Variants in GRK2 observed in about 807,000 individuals in gnomAD.
GRK2 encodes the protein G protein-coupled receptor kinase 2.
Under a neutral mutation model 97.8 loss-of-function variants are expected in GRK2, and 23 were observed. The observed-to-expected ratio is 0.24, with a 90% confidence interval of 0.17 to 0.33. The LOEUF (loss-of-function observed/expected upper bound fraction) is 0.33. GRK2 is among the 10% of genes least tolerant of loss of function. The pLI is 1.00. For missense variants in GRK2, 633 were observed against 956.9 expected (o/e 0.66, Z 4.47); for synonymous variants, 425 against 381.7 (o/e 1.11, Z -1.32).
chr11:67,273,616 T>C (rs111398522), intron 1 of GRK2, among the ~76,000 whole-genome samples: 23 of 152,182 alleles, frequency 1.5e-4, no homozygotes, highest in African/African-American at 5.1e-4. Context: ...TTGGGGGCCT[T>C]CCATTCAAGG....
chr11:67,281,191 A>AC lies in GRK2; in HGVS notation c.647+10dup, dbSNP rs1265375207. 2 of 1,610,444 alleles carry AC rather than the reference A, an allele frequency of 1.2e-6. No homozygotes were observed. The highest frequency in any genetic ancestry group is 1.7e-6 in the Non-Finnish European group (2 of 1,178,276). On this transcript the variant is annotated splice_region_variant and intron_variant, in intron 8 of 20. Transcript: ENST00000308595. This position sits in a 1 kb window ranked among gnomAD's most constrained non-coding sequence, Gnocchi z 5.7. ...AGGCTGACACAGGCAAGATGTGAGC[A>AC]CCCTGCTCGGCGCGGTGGGATACCT... is the stretch of plus-strand genomic sequence containing the variant.
rs1167819312 is a variant in GRK2 at position 67,284,303 on chromosome 11, C to T, written c.1584C>T (p.Thr528=). Residue 528 remains threonine, a synonymous_variant, in exon 18 of 21, where the codon ACC becomes ACT. Transcript: ENST00000308595. ...AGGTGGCAGAGACTGTCTTCGACAC[C>T]ATCAACGCTGAGACAGACCGGCTGG... ...QQEVAETVFD[T]INAETDRLEA... is the part of the protein sequence containing the mutation. 3 of 1,613,280 alleles carry T rather than the reference C, an allele frequency of 1.9e-6. No individual in the cohort carries two copies. Among genetic ancestry groups the T allele is most frequent in the Non-Finnish European group, 2.5e-6 (3 of 1,179,996 alleles).
At chr11:67,279,721 C>T (rs1199130261) in intron 5 of GRK2, 21 bp downstream of exon 5, 3 of 1,613,528 alleles carry the variant, frequency 1.9e-6, no homozygotes, top group Non-Finnish European at 2.5e-6. Flanking sequence ...CCCGGTCCCT[C>T]CCCAGGCAAG....
In GRK2 at chr11:67,279,464, G is replaced by A. The variant is rs71640262; in HGVS notation, c.311G>A (p.Arg104His). The change falls in exon 4 of 21, where the codon CGC becomes CAC. Residue 104 changes from arginine (R) to histidine (H), a missense_variant. By Grantham distance (29) the Arg-to-His change is conservative. This residue lies in a region of GRK2 where 193 missense variants were observed against 212.2 expected (regional missense o/e 0.91). Transcript: ENST00000308595. ...KLETEEERVA[R>H]SREIFDSYIM... ...GAGACGGAGGAGGAGCGTGTGGCCC[G>A]CAGCCGGGAGATCTTCGACTCATAC... 8.1e-6 allele frequency: 13 copies of A among 1,613,224 alleles called. No homozygotes were observed. In the East Asian group the frequency reaches 8.9e-5, roughly 11 times the overall value.
At position 67,286,289 on chromosome 11, in the gene GRK2, C is replaced by G; in HGVS notation, c.*839C>G. ...GCTGGCTGGGGCCTATCAGTGTGCCCCCCATCCTGGCCCATCAGTGTACCC... is the reference window on the plus strand; with the variant it reads ...GCTGGCTGGGGCCTATCAGTGTGCCGCCCATCCTGGCCCATCAGTGTACCC... On this transcript the variant is annotated 3_prime_UTR_variant, in exon 21 of 21. Coordinates refer to ENST00000308595, the MANE Select transcript of GRK2 (RefSeq NM_001619.5). 1 of 640,460 alleles carries G rather than the reference C, an allele frequency of 1.6e-6. No individual in the cohort carries two copies. Among genetic ancestry groups the G allele is most frequent in the Non-Finnish European group, 2.8e-6 (1 of 357,798 alleles). The allele number at this position is 640,460 out of a possible 1,614,324, so 39.7% of individuals were successfully genotyped here.
At position 67,285,195 on chromosome 11, in the gene GRK2, G is replaced by A. The variant is rs201430849; in HGVS notation, c.1905+7G>A. ...GTTCATTTTGCAGTGCGATGTGAGT[G>A]GGGGCTGAGCCAGGGATGGGAGGGC... is the stretch of plus-strand genomic sequence containing the variant. On this transcript the variant is annotated splice_region_variant and intron_variant, in intron 20 of 20. Coordinates refer to ENST00000308595, the MANE Select transcript of GRK2 (RefSeq NM_001619.5). 2.5e-6 allele frequency: 4 copies of A among 1,613,308 alleles called. No individual in the cohort carries two copies. Among genetic ancestry groups the A allele is most frequent in the Admixed American group, 1.7e-5 (1 of 60,028 alleles).
chr11:67,275,744 C>G (rs1400585927), intron 1 of GRK2, among the ~76,000 whole-genome samples: 1 of 152,086 alleles, frequency 6.6e-6, no homozygotes, highest in Non-Finnish European at 1.5e-5. Context: ...ACCGACCCCC[C>G]TGGCTTCGCC....
rs200632343 is a variant in GRK2 at position 67,285,445 on chromosome 11, C to G, written c.2065C>G (p.Leu689Val). The G allele has an allele frequency of 2.6e-6, 4 of 1,546,034 alleles. No homozygotes were observed. Among genetic ancestry groups the G allele is most frequent in the Non-Finnish European group, 3.5e-6 (4 of 1,147,794 alleles). Residue 689 changes from leucine to valine, a missense_variant, in exon 21 of 21, where the codon CTC (leucine) becomes GTC (valine). By Grantham distance (32) the Leu-to-Val change is conservative. Transcript: ENST00000308595. The part of the protein sequence containing the change: ...PLVQRGSANG[L>V] ...GGTCCAGCGCGGCAGTGCCAACGGC[C>G]TCTGACCCGCCCACCCGCCTTTTAT...
chr11:67,285,603 T>C lies in GRK2; in HGVS notation c.*153T>C, dbSNP rs1171094088. On this transcript the variant is annotated 3_prime_UTR_variant, in exon 21 of 21. Transcript: ENST00000308595. ...CTCCCCCGGGAGGGGCCCGCTTGCC[T>C]CGGCTCCTGCTGCACCAACCCAGCC... 9.7e-6 allele frequency: 10 copies of C among 1,026,340 alleles called. No individual in the cohort carries two copies. Among genetic ancestry groups the C allele is most frequent in the Non-Finnish European group, 1.4e-5 (10 of 737,912 alleles). The allele number at this position is 1,026,340 out of a possible 1,614,324, so 63.6% of individuals were successfully genotyped here.
chr11:67,281,846 C>G lies in GRK2; in HGVS notation c.851C>G (p.Ser284Cys). 2 of 1,613,762 alleles carry G rather than the reference C, an allele frequency of 1.2e-6. No individual in the cohort carries two copies. Among genetic ancestry groups the G allele is most frequent in the Non-Finnish European group, 1.7e-6 (2 of 1,179,998 alleles). Reference sequence around the variant, plus strand: ...GGTGGGGACCTGCACTACCACCTCTCCCAGCACGGGGTCTTCTCAGAGGCT... The same window carrying G: ...GGTGGGGACCTGCACTACCACCTCTGCCAGCACGGGGTCTTCTCAGAGGCT... ...MNGGDLHYHL[S>C]QHGVFSEADM... is the part of the protein sequence containing the mutation. The change falls in exon 11 of 21, where the codon TCC (serine) becomes TGC (cysteine). Residue 284 changes from serine (S) to cysteine (C), a missense_variant. This residue lies in a region of GRK2 where 192 missense variants were observed against 362.3 expected (regional missense o/e 0.53). Transcript: ENST00000308595. The surrounding 1 kb of genome is among the most constrained non-coding windows in gnomAD (Gnocchi z 5.7).
rs1860158327 is a variant in GRK2 at position 67,281,778 on chromosome 11, T to G, written c.827-44T>G. The G allele has an allele frequency of 6.2e-7, 1 of 1,613,436 alleles. No homozygotes were observed. Among genetic ancestry groups the G allele is most frequent in the Admixed American group, 1.7e-5 (1 of 59,998 alleles). Reference sequence around the variant, plus strand: ...TGGGCCGGGCCCAGGCACGGGAGGCTGGGGCAAGACACTGAGTGCTGCCTG... The same window carrying G: ...TGGGCCGGGCCCAGGCACGGGAGGCGGGGGCAAGACACTGAGTGCTGCCTG... On this transcript the variant is annotated intron_variant, in intron 10 of 20. Transcript: ENST00000308595. This position sits in a 1 kb window ranked among gnomAD's most constrained non-coding sequence, Gnocchi z 5.7.
intron 1 of GRK2, among the ~76,000 whole-genome samples, chr11:67,268,696 T>C (rs1254010886): frequency 6.6e-6 from 1 of 152,178 alleles, no homozygotes; most frequent in Non-Finnish European, 1.5e-5. Context: ...AGAAACGAGA[T>C]GGTCTTCTTT....
In GRK2 at chr11:67,281,677, T is replaced by C. The variant is rs760688917; in HGVS notation, c.775T>C (p.Tyr259His). ...CTGCCCATTCATTGTCTGCATGTCATACGCGTTCCACACGCCAGACAAGCT... is the reference window on the plus strand; with the variant it reads ...CTGCCCATTCATTGTCTGCATGTCACACGCGTTCCACACGCCAGACAAGCT... Reference protein sequence around the residue: ...GDCPFIVCMSYAFHTPDKLSF... With the variant: ...GDCPFIVCMSHAFHTPDKLSF... The change falls in exon 10 of 21, where the codon TAC becomes CAC. Residue 259 changes from tyrosine to histidine, a missense_variant. Physicochemically the swap from Tyr to His is moderately conservative, Grantham distance 83. Around this residue, in one of 4 missense-constraint regions of GRK2, gnomAD observed 192 missense variants for 362.3 expected, o/e 0.53. Transcript: ENST00000308595. The surrounding 1 kb of genome is among the most constrained non-coding windows in gnomAD (Gnocchi z 5.7). 6.7e-7 allele frequency: 1 copy of C among 1,481,560 alleles called. No individual in the cohort carries two copies. 91.8% of individuals were successfully genotyped at this position (1,481,560 alleles called of 1,614,324 possible).
In GRK2 at chr11:67,285,308, GGAA is replaced by G; in HGVS notation, c.1933_1935del (p.Lys645del). 6.2e-7 allele frequency: 1 copy of G among 1,609,620 alleles called. No homozygotes were observed. The highest frequency in any genetic ancestry group is 1.1e-5 in the South Asian group (1 of 90,812). On this transcript the variant is annotated inframe_deletion, in exon 21 of 21. Transcript: ENST00000308595. The stretch of plus-strand genomic sequence containing the variant: ...CAGAGCGACCCTGAGCTGGTGCAGT[GGAA>G]GAAGGAGCTGCGCGACGCCTACCGC...
At position 67,279,848 on chromosome 11, in the gene GRK2, G is replaced by A. The variant is rs771530727; in HGVS notation, c.451G>A (p.Glu151Lys). ...VPPDLFQPYI[E>K]EICQNLRGDV... ...CAGCTTCCTCCCTTAGCCATACATC[G>A]AAGAGATTTGTCAAAACCTCCGAGG... The change falls in exon 6 of 21, where the codon GAA becomes AAA. Residue 151 changes from glutamate to lysine, a missense_variant. Glu to Lys is a moderately conservative substitution (Grantham distance 56). Around this residue, in one of 4 missense-constraint regions of GRK2, gnomAD observed 193 missense variants for 212.2 expected, o/e 0.91. Coordinates refer to ENST00000308595, the MANE Select transcript of GRK2 (RefSeq NM_001619.5). The A allele has an allele frequency of 9.9e-6, 16 of 1,613,904 alleles. No individual in the cohort carries two copies. Among genetic ancestry groups the A allele is most frequent in the African/African-American group, 4.0e-5 (3 of 74,910 alleles).
At position 67,281,069 on chromosome 11, in the gene GRK2, A is replaced by G. The variant is rs752212996; in HGVS notation, c.556-24A>G. ...GGCTGGGCAGAGGCAGCCTGTGGTG[A>G]CCGCAGCTGTCGCTGCCCCTCAGCT... On this transcript the variant is annotated intron_variant, in intron 7 of 20. Coordinates refer to ENST00000308595, the MANE Select transcript of GRK2 (RefSeq NM_001619.5). This position sits in a 1 kb window ranked among gnomAD's most constrained non-coding sequence, Gnocchi z 5.7. 2 of 1,594,224 alleles carry G rather than the reference A, an allele frequency of 1.3e-6. No homozygotes were observed. The highest frequency in any genetic ancestry group is 1.7e-6 in the Non-Finnish European group (2 of 1,166,418).
At chr11:67,267,776 G>A (rs1178587780) in intron 1 of GRK2, among the ~76,000 whole-genome samples, 1 of 152,230 alleles carries the variant, frequency 6.6e-6, no homozygotes, top group East Asian at 1.9e-4. Flanking sequence ...GAGCCTCTCA[G>A]CAGCGCATGG....
At position 67,281,199 on chromosome 11, in the gene GRK2, CGGCGCGGT is replaced by C. The variant is rs775220876; in HGVS notation, c.647+18_647+25del. On this transcript the variant is annotated intron_variant, in intron 8 of 20. Coordinates refer to ENST00000308595, the MANE Select transcript of GRK2 (RefSeq NM_001619.5). This position sits in a 1 kb window ranked among gnomAD's most constrained non-coding sequence, Gnocchi z 5.7. ...ACAGGCAAGATGTGAGCACCCTGCTCGGCGCGGTGGGATACCTCGGGGAGCCGGGCTCC... is the reference window on the plus strand; with the variant it reads ...ACAGGCAAGATGTGAGCACCCTGCTCGGGATACCTCGGGGAGCCGGGCTCC... 6.2e-7 allele frequency: 1 copy of C among 1,606,954 alleles called. No homozygotes were observed. Among genetic ancestry groups the C allele is most frequent in the Non-Finnish European group, 8.5e-7 (1 of 1,175,546 alleles).
In GRK2 at chr11:67,283,672, G is replaced by C. The variant is rs539665137; in HGVS notation, c.1329-35G>C. The C allele has an allele frequency of 1.6e-4, 264 of 1,606,756 alleles. 2 individuals carry two copies. In the South Asian group the frequency reaches 2.5e-3, roughly 15 times the overall value. ...AGGAGTTAAGCCCGGGACTCAGGGTGGGGCTGAGCCCAGATGACTGGCCTC... is the reference window on the plus strand; with the variant it reads ...AGGAGTTAAGCCCGGGACTCAGGGTCGGGCTGAGCCCAGATGACTGGCCTC... On this transcript the variant is annotated intron_variant, in intron 15 of 20. Coordinates refer to ENST00000308595, the MANE Select transcript of GRK2 (RefSeq NM_001619.5).
Sources: gnomAD v4.1 joint callset for allele counts (sites outside exome capture counted in the v4.1 genomes callset) on GRCh38, gnomAD v4.1.1 for gene constraint, gnomAD v4.1.1 regional missense constraint, Gnocchi (gnomAD v3.1) non-coding constraint, MANE v1.5 for transcripts, NCBI Gene and HGNC (gene_info 2026-07-23, HGNC 2026-07-21) for gene names.